ZKSCAN2: variants seen among roughly 807,000 people sequenced by gnomAD.
The protein encoded by ZKSCAN2 is zinc finger protein with KRAB and SCAN domains 2.
ZKSCAN2 carries 38 observed loss-of-function variants against 90.5 expected under a neutral mutation model. That is an observed-to-expected ratio of 0.42 (90% confidence interval 0.32 to 0.55). The LOEUF is 0.55. ZKSCAN2 is among the 20% of genes least tolerant of loss of function. The probability of loss-of-function intolerance (pLI) is 0.11; values close to 1 mark genes in which losing one functional copy is unlikely to be tolerated. For missense variants in ZKSCAN2, 1,167 were observed against 1,202.6 expected (o/e 0.97, Z 0.44); for synonymous variants, 429 against 421.6 (o/e 1.02, Z -0.22).
chr16:25,241,840 A>C (rs537527985), intron 6 of ZKSCAN2, among the ~76,000 whole-genome samples: 1 of 152,164 alleles, frequency 6.6e-6, no homozygotes, highest in African/African-American at 2.4e-5. Flanking sequence ...GGCAGCCATC[A>C]ATCAATCTAG....
chr16:25,255,567 G>T (rs573312707), intron 1 of ZKSCAN2, among the ~76,000 whole-genome samples, 175 bp from the exon 2 acceptor site: 2 of 152,180 alleles, frequency 1.3e-5, no homozygotes, highest in Non-Finnish European at 2.9e-5. Context: ...AGCAGTCTGG[G>T]TGTAAGGTAA....
chr16:25,256,313 G>A (rs1963100976), intron 1 of ZKSCAN2, among the ~76,000 whole-genome samples: 1 of 151,620 alleles, frequency 6.6e-6, no homozygotes, highest in Non-Finnish European at 1.5e-5. Context: ...AACGCTTGGA[G>A]ACGGCTCTGG....
Position 25,256,913 on chromosome 16 carries a change from C to G in ZKSCAN2, c.215G>C (p.Arg72Pro). 6.2e-7 allele frequency: 1 copy of G among 1,614,196 alleles called. No homozygotes were observed. The change falls in exon 1 of 7, where the codon CGG (arginine) becomes CCG (proline). Residue 72 changes from arginine to proline, a missense_variant. Arg to Pro is a moderately radical substitution (Grantham distance 103, BLOSUM62 -2). Coordinates refer to ENST00000328086, the MANE Select transcript of ZKSCAN2 (RefSeq NM_001012981.5). ...AFSKLWELCC[R>P]WLKPEMRSKE... ...GGAACGCATTTCTGGCTTCAGCCAC[C>G]GGCAGCAAAGTTCCCAGAGTTTACT...
chr16:25,241,462 G>A (rs1207869714), intron 6 of ZKSCAN2, among the ~76,000 whole-genome samples: 1 of 152,084 alleles, frequency 6.6e-6, no homozygotes, highest in Non-Finnish European at 1.5e-5. Context: ...TTAACTTATG[G>A]AAAATTCAAA....
Position 25,243,924 on chromosome 16 carries a change from C to T in ZKSCAN2, c.1842G>A (p.Gln614=). 1 of 1,614,118 alleles carries T rather than the reference C, an allele frequency of 6.2e-7. No homozygotes were observed. Among genetic ancestry groups the T allele is most frequent in the Non-Finnish European group, 8.5e-7 (1 of 1,180,006 alleles). The part of the protein sequence containing the change: ...QERGGIEVEP[Q]EPTGWEPEET... The stretch of plus-strand genomic sequence containing the variant: ...CTTCAGGTTCCCAGCCTGTAGGTTC[C>T]TGGGGTTCAACCTCAATACCCCCTC... Residue 614 remains glutamine, a synonymous_variant, in exon 6 of 7, where the codon CAG becomes CAA. Coordinates refer to ENST00000328086, the MANE Select transcript of ZKSCAN2 (RefSeq NM_001012981.5).
At position 25,239,223 on chromosome 16, in the gene ZKSCAN2, T is replaced by C. The variant is rs560157250; in HGVS notation, c.*593A>G. ...ATTAGTAACAGGATTTCAGTGACAA[T>C]ACAGGGATTCTGCCCTAGCTATTTG... On this transcript the variant is annotated 3_prime_UTR_variant, in exon 7 of 7. Coordinates refer to ENST00000328086, the MANE Select transcript of ZKSCAN2 (RefSeq NM_001012981.5). The C allele has an allele frequency of 1.9e-4, 27 of 143,494 alleles. No homozygotes were observed. Among genetic ancestry groups the C allele is most frequent in the African/African-American group, 6.9e-4 (26 of 37,682 alleles). The allele number at this position is 143,494 out of a possible 1,614,324, so 8.9% of individuals were successfully genotyped here.
At chr16:25,249,140 G>C (rs1216848156) in intron 4 of ZKSCAN2, among the ~76,000 whole-genome samples, 2 of 152,074 alleles carry the variant, frequency 1.3e-5, no homozygotes, top group Admixed American at 1.3e-4. Context: ...GGGAGGAGGA[G>C]GGAAGATGGG....
intron 2 of ZKSCAN2, among the ~76,000 whole-genome samples, chr16:25,253,901 G>C (rs191901989): frequency 6.6e-6 from 1 of 152,316 alleles, no homozygotes; most frequent in South Asian, 2.1e-4. Context: ...CCAGCTACTC[G>C]AGAGACTGAG....
chr16:25,245,707 T>C (rs553992033), intron 5 of ZKSCAN2, among the ~76,000 whole-genome samples: 30 of 151,246 alleles, frequency 2.0e-4, no homozygotes, highest in African/African-American at 5.6e-4. Flanking sequence ...GAGGAGGAGG[T>C]TGCAGTGAGC....
chr16:25,256,676 C>T, intron 1 of ZKSCAN2, 53 bp downstream of exon 1: 1 of 1,552,944 alleles, frequency 6.4e-7, no homozygotes, highest in South Asian at 1.3e-5. Flanking sequence ...TGCCCACATG[C>T]CTTTCCCATT....
chr16:25,239,818 A>G lies in ZKSCAN2; in HGVS notation c.2902T>C (p.Ter968ArgextTer1). 6.4e-7 allele frequency: 1 copy of G among 1,573,224 alleles called. No individual in the cohort carries two copies. Among genetic ancestry groups the G allele is most frequent in the Non-Finnish European group, 8.6e-7 (1 of 1,161,526 alleles). ...CATTTAGGAAGAGAAGATCATCATC[A>G]AAAAGTTTTCCTAAATTCATCAGTC... ...GKTDEFRKTF[*>R] The change falls in exon 7 of 7, where the codon TGA (stop) becomes CGA (arginine). Residue 968 changes from the stop codon to arginine, a stop_lost. Transcript: ENST00000328086.
intron 3 of ZKSCAN2, among the ~76,000 whole-genome samples, 185 bp from the exon 4 acceptor site, chr16:25,252,220 A>T (rs1963031890): frequency 6.6e-6 from 1 of 152,244 alleles, no homozygotes; most frequent in African/African-American, 2.4e-5. Context: ...ATGATCCAGC[A>T]AGGAGTCTCA....
Position 25,257,000 on chromosome 16 carries a change from G to T in ZKSCAN2, c.128C>A (p.Thr43Asn). 6.2e-7 allele frequency: 1 copy of T among 1,614,194 alleles called. No individual in the cohort carries two copies. Among genetic ancestry groups the T allele is most frequent in the Non-Finnish European group, 8.5e-7 (1 of 1,180,034 alleles). Reference sequence around the variant, plus strand: ...GAATTGCCTGAAGCATTTGCGGAAGGTCTCAGAGCTATCCGATCCTTCCAG... The same window carrying T: ...GAATTGCCTGAAGCATTTGCGGAAGTTCTCAGAGCTATCCGATCCTTCCAG... ...PILEGSDSSE[T>N]FRKCFRQFCY... Residue 43 changes from threonine (T) to asparagine (N), a missense_variant, in exon 1 of 7, where the codon ACC (threonine) becomes AAC (asparagine). Transcript: ENST00000328086.
intron 6 of ZKSCAN2, among the ~76,000 whole-genome samples, chr16:25,241,164 A>G (rs1962848473): frequency 6.6e-6 from 1 of 152,250 alleles, no homozygotes; most frequent in Admixed American, 6.5e-5. Context: ...ATATCTAATC[A>G]TATCCCACCC....
intron 5 of ZKSCAN2, chr16:25,246,463 T>G (rs983567820): frequency 1.8e-6 from 1 of 555,900 alleles, no homozygotes; most frequent in African/African-American, 1.9e-5. Context: ...ACCCAAACAC[T>G]CAAAATCCAT....
chr16:25,240,790 A>C (rs1253149144), intron 6 of ZKSCAN2, 52 bp from the exon 7 acceptor site: 32 of 1,514,316 alleles, frequency 2.1e-5, no homozygotes, highest in Non-Finnish European at 2.9e-5. Flanking sequence ...TATTAACCAT[A>C]AACAACCTGG....
Position 25,257,262 on chromosome 16 carries a change from G to A in ZKSCAN2, c.-135C>T, listed in dbSNP as rs904529714. 6.7e-7 allele frequency: 1 copy of A among 1,487,100 alleles called. No individual in the cohort carries two copies. 92.1% of individuals were successfully genotyped at this position (1,487,100 alleles called of 1,614,324 possible). ...AAACGGCCAGGTCGGCAGGAACAGG[G>A]TATTCCAGGCTGATTAATCAAATCT... is the stretch of plus-strand genomic sequence containing the variant. On this transcript the variant is annotated 5_prime_UTR_variant, in exon 1 of 7. Transcript: ENST00000328086.
At chr16:25,241,560 C>T (rs1222513476) in intron 6 of ZKSCAN2, among the ~76,000 whole-genome samples, 1 of 152,254 alleles carries the variant, frequency 6.6e-6, no homozygotes, top group African/African-American at 2.4e-5. Context: ...TGGCCAATCT[C>T]ATTTCATTTC....
At position 25,252,944 on chromosome 16, in the gene ZKSCAN2, A is replaced by G; in HGVS notation, c.678+2T>C. Reference sequence around the variant, plus strand: ...AAGAAAAAAAAGACAATTACAATGTACCTGGGACCCAGCAGGAAGCCGTGT... The same window carrying G: ...AAGAAAAAAAAGACAATTACAATGTGCCTGGGACCCAGCAGGAAGCCGTGT... On this transcript the variant is annotated splice_donor_variant, in intron 3 of 6. Transcript: ENST00000328086. LOFTEE classifies it high-confidence loss of function. The G allele has an allele frequency of 6.2e-7, 1 of 1,611,760 alleles. No homozygotes were observed. Among genetic ancestry groups the G allele is most frequent in the Non-Finnish European group, 8.5e-7 (1 of 1,177,904 alleles).
Sources: allele counts gnomAD v4.1 joint callset (sites outside exome capture counted in the v4.1 genomes callset), GRCh38; gene constraint gnomAD v4.1.1; transcripts MANE v1.5; gene names NCBI Gene and HGNC (gene_info 2026-07-23, HGNC 2026-07-21).